Variants in TOM1L2 observed in about 807,000 individuals in gnomAD.
TOM1L2 encodes TOM1-like protein 2.
Under a neutral mutation model 67.9 loss-of-function variants are expected in TOM1L2, and 31 were observed. That is an observed-to-expected ratio of 0.46 (90% CI 0.34 to 0.62). The LOEUF (loss-of-function observed/expected upper bound fraction) is 0.62. Ranked by LOEUF, TOM1L2 falls within the 20% of genes least tolerant of loss-of-function variation. The probability of loss-of-function intolerance (pLI) is 0.01; values close to 1 mark genes in which losing one functional copy is unlikely to be tolerated. For missense variants in TOM1L2, 606 were observed against 663.5 expected (o/e 0.91, Z 0.95); for synonymous variants, 256 against 254.0 (o/e 1.01, Z -0.07).
chr17:17,970,010 AT>A (rs569724873), intron 1 of TOM1L2, among the ~76,000 whole-genome samples: 86 of 152,160 alleles, frequency 5.7e-4, no homozygotes, highest in African/African-American at 2.0e-3. Flanking sequence ...TCCACTTGCT[AT>A]ATATCCCTAT....
intron 1 of TOM1L2, among the ~76,000 whole-genome samples, chr17:17,917,180 A>C (rs896352000): frequency 6.6e-6 from 1 of 151,810 alleles, no homozygotes; most frequent in Non-Finnish European, 1.5e-5. Flanking sequence ...AAAATTTAAA[A>C]AATTAGCTGG....
At chr17:17,897,836 G>A (rs890920234) in intron 3 of TOM1L2, among the ~76,000 whole-genome samples, 1 of 152,152 alleles carries the variant, frequency 6.6e-6, no homozygotes, top group African/African-American at 2.4e-5. Context: ...ATCTCTTTTG[G>A]AGGGTGGTTG....
chr17:17,896,132 T>C (rs763236649), intron 3 of TOM1L2, among the ~76,000 whole-genome samples: 2 of 152,068 alleles, frequency 1.3e-5, no homozygotes, highest in Non-Finnish European at 2.9e-5. Context: ...GCATTCACTC[T>C]CTTGTAGTGA....
At chr17:17,867,629 T>G (rs2036930201) in intron 8 of TOM1L2, among the ~76,000 whole-genome samples, 1 of 152,196 alleles carries the variant, frequency 6.6e-6, no homozygotes, top group South Asian at 2.1e-4. Flanking sequence ...TTCTGTATCG[T>G]ATTTAAAAAC....
intron 1 of TOM1L2, among the ~76,000 whole-genome samples, chr17:17,927,435 C>T (rs990905429): frequency 5.9e-5 from 9 of 152,108 alleles, no homozygotes; most frequent in African/African-American, 2.2e-4. Context: ...TTTCTGAGGC[C>T]AGGACCTGCA....
At chr17:17,895,422 C>T (rs1167293555) in intron 3 of TOM1L2, among the ~76,000 whole-genome samples, 2 of 152,146 alleles carry the variant, frequency 1.3e-5, no homozygotes, top group African/African-American at 4.8e-5. Context: ...AAAACATAGC[C>T]GTAAAGAAAG....
At chr17:17,958,192 AAAAC>A (rs540123784) in intron 1 of TOM1L2, among the ~76,000 whole-genome samples, 190 of 152,322 alleles carry the variant, frequency 1.2e-3, no homozygotes, top group Non-Finnish European at 2.1e-3. Context: ...TCTGTTCTTC[AAAAC>A]AAACGAACGA....
At chr17:17,931,507 G>A (rs924922986) in intron 1 of TOM1L2, among the ~76,000 whole-genome samples, 2 of 152,226 alleles carry the variant, frequency 1.3e-5, no homozygotes, top group Non-Finnish European at 2.9e-5. Context: ...GAGTCCTCAG[G>A]AGAACTGGGG....
chr17:17,866,908 A>C lies in TOM1L2; in HGVS notation c.928T>G (p.Ser310Ala). The C allele has an allele frequency of 6.2e-7, 1 of 1,613,960 alleles. No individual in the cohort carries two copies. ...LRYERFERYR[S>A]GRSVQNASNG... ...CTGGCATTTTGAACGGATCGGCCAG[A>C]CCTGTATCGTTCGAACCTAACAGGG... The change falls in exon 9 of 15, where the codon TCT becomes GCT. Residue 310 changes from serine (S) to alanine (A), a missense_variant. This residue lies in a region of TOM1L2 where 543 missense variants were observed against 554.0 expected (regional missense o/e 0.98). Coordinates refer to ENST00000379504, the MANE Select transcript of TOM1L2 (RefSeq NM_001082968.2).
At chr17:17,968,184 G>C (rs2041936092) in intron 1 of TOM1L2, among the ~76,000 whole-genome samples, 1 of 152,196 alleles carries the variant, frequency 6.6e-6, no homozygotes, top group Non-Finnish European at 1.5e-5. Flanking sequence ...CTCCCTAAGA[G>C]CAGCTTGTTA....
chr17:17,874,608 G>T (rs1402612194), intron 7 of TOM1L2, among the ~76,000 whole-genome samples: 1 of 152,194 alleles, frequency 6.6e-6, no homozygotes, highest in Non-Finnish European at 1.5e-5. Context: ...AGTGTTAGAT[G>T]ATTTCTGAGG....
At chr17:17,879,578 G>A (rs772519751) in intron 7 of TOM1L2, 49 bp downstream of exon 7, 16 of 1,467,748 alleles carry the variant, frequency 1.1e-5, no homozygotes, top group Admixed American at 5.0e-5. Flanking sequence ...AACAGTGTAC[G>A]GTGGAAGAGC....
chr17:17,911,925 A>C (rs2039372015), intron 1 of TOM1L2, among the ~76,000 whole-genome samples: 2 of 148,820 alleles, frequency 1.3e-5, no homozygotes, highest in Non-Finnish European at 3.0e-5. Flanking sequence ...AATCCATTTA[A>C]CCCTGAGTGG....
At chr17:17,952,061 G>A (rs1360258982) in intron 1 of TOM1L2, among the ~76,000 whole-genome samples, 1 of 152,184 alleles carries the variant, frequency 6.6e-6, no homozygotes, top group Admixed American at 6.5e-5. Context: ...TGCTGTTCCA[G>A]TATTACTTAT....
intron 1 of TOM1L2, among the ~76,000 whole-genome samples, chr17:17,937,585 A>G (rs2040559456): frequency 6.6e-6 from 1 of 152,224 alleles, no homozygotes; most frequent in African/African-American, 2.4e-5. Flanking sequence ...ACCCCAAGTC[A>G]TGCAGGCTTT....
At position 17,926,688 on chromosome 17, in the gene TOM1L2, T is replaced by C. The variant is rs2144660522; in HGVS notation, c.53-19157A>G. Among the ~76,000 whole-genome samples the C allele has an allele frequency of 2.6e-5, 4 of 152,114 alleles. No homozygotes were observed. The Middle Eastern group carries it at 0.014, about 517-fold the overall frequency. On this transcript the variant is annotated intron_variant, in intron 1 of 14. Coordinates refer to ENST00000379504, the MANE Select transcript of TOM1L2 (RefSeq NM_001082968.2). ...GACCAGCCAACATGGTGAAACTCCATCTTTACAAAATATACAAAAATTAGC... is the reference window on the plus strand; with the variant it reads ...GACCAGCCAACATGGTGAAACTCCACCTTTACAAAATATACAAAAATTAGC...
chr17:17,907,617 C>T (rs2039157515), intron 1 of TOM1L2, 86 bp from the exon 2 acceptor site: 1 of 1,164,410 alleles, frequency 8.6e-7, no homozygotes, highest in Non-Finnish European at 1.3e-6. Flanking sequence ...AGAACCACCA[C>T]ATTCTTCTCC....
chr17:17,882,902 T>C, intron 5 of TOM1L2, 39 bp from the exon 6 acceptor site: 1 of 1,610,020 alleles, frequency 6.2e-7, no homozygotes, highest in Non-Finnish European at 8.5e-7. Context: ...TTACCTGGGC[T>C]GCCTGCATAG....
intron 7 of TOM1L2, among the ~76,000 whole-genome samples, chr17:17,871,388 G>A (rs2143873539): frequency 1.3e-5 from 2 of 152,026 alleles, no homozygotes; most frequent in South Asian, 4.2e-4. Context: ...AGTATTCAGA[G>A]GCCAAGTGCG....
Sources: allele counts gnomAD v4.1 joint callset (sites outside exome capture counted in the v4.1 genomes callset), GRCh38; gene constraint gnomAD v4.1.1; regional missense constraint gnomAD v4.1.1; transcripts MANE v1.5; gene names NCBI Gene and HGNC (gene_info 2026-07-23, HGNC 2026-07-21).